The following TASP1 variants were observed in gnomAD, a reference collection of about 807,000 sequenced individuals.
The protein encoded by TASP1 is threonine aspartase 1.
In TASP1, 16 loss-of-function variants were observed where a neutral mutation model predicts 56.6. That is an observed-to-expected ratio of 0.28 (90% CI 0.19 to 0.43). TASP1 has a LOEUF of 0.43. Ranked by LOEUF, TASP1 falls within the 20% of genes least tolerant of loss-of-function variation. The pLI is 1.00. For synonymous variants in TASP1, 179 were observed against 184.2 expected, an observed-to-expected ratio of 0.97 and a Z score of 0.23; for missense variants, 393 against 511.6, an observed-to-expected ratio of 0.77 and a Z score of 2.24.
intron 13 of TASP1, among the ~76,000 whole-genome samples, chr20:13,411,885 C>G (rs1899264606): frequency 6.6e-6 from 1 of 152,218 alleles, no homozygotes; most frequent in African/African-American, 2.4e-5. Flanking sequence ...ACAACACTGC[C>G]TGGCCCTTGA....
intron 10 of TASP1, among the ~76,000 whole-genome samples, chr20:13,496,901 C>T (rs1601002768): frequency 6.6e-6 from 1 of 152,244 alleles, no homozygotes; most frequent in Middle Eastern, 3.4e-3. Context: ...TAAGCCTTTC[C>T]TATGAGAAAA....
intron 6 of TASP1, among the ~76,000 whole-genome samples, chr20:13,574,436 A>G (rs2046829801): frequency 6.6e-6 from 1 of 152,204 alleles, no homozygotes; most frequent in Non-Finnish European, 1.5e-5. Context: ...GAAACCCAAT[A>G]AAAATTACCA....
chr20:13,600,960 T>C (rs924070856), intron 4 of TASP1, among the ~76,000 whole-genome samples: 1 of 152,092 alleles, frequency 6.6e-6, no homozygotes, highest in Middle Eastern at 3.2e-3. Context: ...TGGCTGATTC[T>C]AGGACTGAGG....
chr20:13,256,544 T>G, the TASP1 span, among the ~76,000 whole-genome samples: 1 of 152,118 alleles, frequency 6.6e-6, no homozygotes, highest in African/African-American at 2.4e-5. Context: ...TAGGGGATCA[T>G]GGGATCATGG....
chr20:13,496,302 G>GC (rs1253983341), intron 10 of TASP1, among the ~76,000 whole-genome samples: 2 of 152,044 alleles, frequency 1.3e-5, no homozygotes, highest in African/African-American at 2.4e-5. Flanking sequence ...TGATCCACCC[G>GC]CCTTGGCCTC....
the TASP1 span, chr20:13,126,763 C>T: frequency 6.2e-7 from 1 of 1,602,542 alleles, no homozygotes; most frequent in Non-Finnish European, 8.5e-7. Context: ...TCTCTGTCTC[C>T]CTTCTGCCTC....
chr20:13,252,786 A>G, the TASP1 span, among the ~76,000 whole-genome samples: 1 of 151,992 alleles, frequency 6.6e-6, no homozygotes, highest in African/African-American at 2.4e-5. Context: ...TCTTAAAACC[A>G]TGATGATAGT....
chr20:13,610,856 C>G (rs2048326335), intron 4 of TASP1, among the ~76,000 whole-genome samples: 1 of 152,172 alleles, frequency 6.6e-6, no homozygotes, highest in Non-Finnish European at 1.5e-5. Context: ...TGTAAATGAA[C>G]TCCGTCAGCT....
the TASP1 span, among the ~76,000 whole-genome samples, chr20:13,184,878 G>A: frequency 2.6e-5 from 4 of 152,118 alleles, no homozygotes; most frequent in African/African-American, 4.8e-5. Flanking sequence ...CCACAGACAC[G>A]AGTGAGAAAT....
At chr20:13,599,593 G>A (rs113738871) in intron 4 of TASP1, among the ~76,000 whole-genome samples, 8 of 152,194 alleles carry the variant, frequency 5.3e-5, no homozygotes, top group Non-Finnish European at 1.0e-4. Context: ...GAGTTGATGG[G>A]TGCAGCAAAC....
chr20:13,364,096 C>A, the TASP1 span, among the ~76,000 whole-genome samples: 222 of 151,450 alleles, frequency 1.5e-3, 3 homozygotes, highest in Non-Finnish European at 2.7e-4. Context: ...AAAAAAAAAA[C>A]AAACATTTTA....
At chr20:13,218,180 A>G in the TASP1 span, among the ~76,000 whole-genome samples, 7 of 151,742 alleles carry the variant, frequency 4.6e-5, no homozygotes, top group Non-Finnish European at 5.9e-5. Flanking sequence ...GAACCTGGGA[A>G]GCAGAGGCTG....
Position 13,417,540 on chromosome 20 carries a change from C to T in TASP1, c.1097-19G>A, listed in dbSNP as rs371988014. 6.2e-6 allele frequency: 10 copies of T among 1,613,326 alleles called. No homozygotes were observed. Among genetic ancestry groups the T allele is most frequent in the Non-Finnish European group, 8.5e-6 (10 of 1,179,510 alleles). On this transcript the variant is annotated intron_variant, in intron 12 of 13. Transcript: ENST00000337743. ...AATTCCACTGCCATAAAAGAGAACA[C>T]AAATAGGCACATTCAGATCACAGAT... is the stretch of plus-strand genomic sequence containing the variant.
intron 11 of TASP1, among the ~76,000 whole-genome samples, chr20:13,440,288 C>T (rs1464044878): frequency 6.6e-6 from 1 of 152,116 alleles, no homozygotes; most frequent in Admixed American, 6.6e-5. Flanking sequence ...GATGAATGTT[C>T]CTTGACAGAA....
intron 5 of TASP1, among the ~76,000 whole-genome samples, chr20:13,585,021 C>T (rs1279697581): frequency 6.6e-6 from 1 of 152,060 alleles, no homozygotes; most frequent in Non-Finnish European, 1.5e-5. Flanking sequence ...AAAAAAAGTA[C>T]CCAACTCATT....
the TASP1 span, among the ~76,000 whole-genome samples, chr20:13,153,476 C>G: frequency 6.6e-6 from 1 of 152,136 alleles, no homozygotes; most frequent in Admixed American, 6.5e-5. Flanking sequence ...CTAATCTCAG[C>G]AGGACTTATC....
chr20:13,224,318 T>C, the TASP1 span, among the ~76,000 whole-genome samples: 18 of 152,186 alleles, frequency 1.2e-4, no homozygotes, highest in Non-Finnish European at 2.5e-4. Flanking sequence ...TCTCTGAAGG[T>C]ATTATAAGTC....
the TASP1 span, among the ~76,000 whole-genome samples, chr20:13,229,045 C>A: frequency 1.3e-5 from 2 of 152,014 alleles, no homozygotes; most frequent in African/African-American, 4.8e-5. Flanking sequence ...AATTCTATAG[C>A]CTCTTTTCTC....
the TASP1 span, among the ~76,000 whole-genome samples, chr20:13,274,677 C>A: frequency 9.3e-5 from 14 of 151,276 alleles, no homozygotes; most frequent in East Asian, 1.9e-4. Flanking sequence ...CCCGCCCCCC[C>A]CGCGCCCGGC....
Sources: gnomAD v4.1 joint callset for allele counts (sites outside exome capture counted in the v4.1 genomes callset) on GRCh38, gnomAD v4.1.1 for gene constraint, MANE v1.5 for transcripts, NCBI Gene and HGNC (gene_info 2026-07-23, HGNC 2026-07-21) for gene names.